The following TSPEAR variants were observed in gnomAD, a reference collection of about 807,000 sequenced individuals.
TSPEAR encodes the protein thrombospondin type laminin G domain and EAR repeats.
TSPEAR carries 69 observed loss-of-function variants against 71.6 expected under a neutral mutation model. The observed-to-expected ratio is 0.96, with a 90% CI of 0.79 to 1.18. The LOEUF (loss-of-function observed/expected upper bound fraction) is 1.18. TSPEAR is among the 50% of genes most tolerant of loss of function. The pLI is 0.00. For missense variants in TSPEAR, 971 were observed against 894.9 expected (o/e 1.09, Z -1.09); for synonymous variants, 402 against 387.2 (o/e 1.04, Z -0.45).
At chr21:44,704,645 C>T (rs2146334943) in intron 1 of TSPEAR, among the ~76,000 whole-genome samples, 1 of 152,282 alleles carries the variant, frequency 6.6e-6, no homozygotes, top group Non-Finnish European at 1.5e-5. Flanking sequence ...ACAAGAGGAG[C>T]AGAGGTCTCT....
At chr21:44,579,851 G>C (rs1555924644) in intron 1 of TSPEAR, 1 of 1,595,934 alleles carries the variant, frequency 6.3e-7, no homozygotes, top group Middle Eastern at 1.7e-4. Context: ...GGAGGAGGCA[G>C]GGGCACAGCA....
intron 1 of TSPEAR, chr21:44,677,058 C>T (rs1240465796): frequency 1.3e-6 from 1 of 754,270 alleles, no homozygotes; most frequent in East Asian, 2.6e-5. Flanking sequence ...CTTGGCCCAC[C>T]AGCTCATGAT....
intron 1 of TSPEAR, among the ~76,000 whole-genome samples, chr21:44,688,683 T>G (rs1354243585): frequency 3.3e-5 from 5 of 151,870 alleles, no homozygotes; most frequent in Non-Finnish European, 1.5e-5. Context: ...GACTCCAGCC[T>G]GGGCAACAGA....
At position 44,647,213 on chromosome 21, in the gene TSPEAR, C is replaced by T. The variant is rs1161193417; in HGVS notation, c.82+64220G>A. 1.2e-6 allele frequency: 2 copies of T among 1,613,200 alleles called. No individual in the cohort carries two copies. Among genetic ancestry groups the T allele is most frequent in the Middle Eastern group, 1.6e-4 (1 of 6,082 alleles). On this transcript the variant is annotated intron_variant, in intron 1 of 11. Coordinates refer to ENST00000323084, the MANE Select transcript of TSPEAR (RefSeq NM_144991.3). ...GTGTGCAGGTCCACCTGCTGTGTGC[C>T]CGTCTCCTCCTGCTGTGCCCCCACC...
At chr21:44,592,576 G>A (rs1237180820) in intron 1 of TSPEAR, 50 of 1,521,566 alleles carry the variant, frequency 3.3e-5, no homozygotes, top group Non-Finnish European at 4.2e-5. Context: ...TTGTCCCCGG[G>A]CCCACAGCTT....
chr21:44,563,870 G>A lies in TSPEAR; in HGVS notation c.303+3915C>T, dbSNP rs74548079. ...TCATTAACATTGAACTCAGCCAACA[G>A]TACTACAACTTATGCCTTAACAAAG... On this transcript the variant is annotated intron_variant, in intron 2 of 11. Transcript: ENST00000323084. Among the ~76,000 whole-genome samples, 103 of 152,280 alleles carry A rather than the reference G, an allele frequency of 6.8e-4. No homozygotes were observed. In the East Asian group the frequency reaches 9.2e-3, roughly 14 times the overall value.
At position 44,631,147 on chromosome 21, in the gene TSPEAR, C is replaced by A. The variant is rs115051699; in HGVS notation, c.83-63142G>T. On this transcript the variant is annotated intron_variant, in intron 1 of 11. Coordinates refer to ENST00000323084, the MANE Select transcript of TSPEAR (RefSeq NM_144991.3). ...CAGGATTGAATTTACTCGACAAAGT[C>A]TTTCCATTAACTCTTTTAAATATAC... 7.3e-3 allele frequency among the ~76,000 whole-genome samples: 1,108 copies of A among 151,582 alleles called. 13 individuals carry two copies. The highest frequency in any genetic ancestry group is 0.024 in the Middle Eastern group (7 of 286).
intron 3 of TSPEAR, among the ~76,000 whole-genome samples, chr21:44,533,016 C>T (rs1489966650): frequency 2.0e-5 from 3 of 152,204 alleles, no homozygotes; most frequent in Non-Finnish European, 2.9e-5. Flanking sequence ...GTGATGTTAG[C>T]GCCCTCCCCA....
chr21:44,548,347 G>T (rs1422413995), intron 2 of TSPEAR, among the ~76,000 whole-genome samples: 1 of 152,222 alleles, frequency 6.6e-6, no homozygotes, highest in Non-Finnish European at 1.5e-5. Flanking sequence ...CTATTGGGTT[G>T]TGCTGCTTTT....
chr21:44,643,612 G>A (rs1984139446), intron 1 of TSPEAR, among the ~76,000 whole-genome samples: 1 of 152,156 alleles, frequency 6.6e-6, no homozygotes, highest in South Asian at 2.1e-4. Flanking sequence ...GTATATCTTA[G>A]ATCACTCAAG....
chr21:44,702,234 C>T, intron 1 of TSPEAR: 3 of 1,600,748 alleles, frequency 1.9e-6, no homozygotes, highest in Non-Finnish European at 2.5e-6. Context: ...CCAGTGCTTC[C>T]ACCAACTCCT....
rs1205312181 is a variant in TSPEAR, at chr21:44,695,958, G to C, written c.82+15475C>G. Among the ~76,000 whole-genome samples the C allele has an allele frequency of 6.6e-6, 1 of 152,166 alleles. No homozygotes were observed. The highest frequency in any genetic ancestry group is 1.5e-5 in the Non-Finnish European group (1 of 68,028). On this transcript the variant is annotated intron_variant, in intron 1 of 11. Coordinates refer to ENST00000323084, the MANE Select transcript of TSPEAR (RefSeq NM_144991.3). This position sits in a 1 kb window ranked among gnomAD's most constrained non-coding sequence, Gnocchi z 4.5. ...TCTCCCTTAATCTCAGGATCCTCCA[G>C]GCTAGATGAGCCCTGGGGCTCTAGA...
At chr21:44,649,350 A>T (rs1984635458) in intron 1 of TSPEAR, among the ~76,000 whole-genome samples, 1 of 152,158 alleles carries the variant, frequency 6.6e-6, no homozygotes, top group African/African-American at 2.4e-5. Context: ...TCACATGCTC[A>T]TCAATACAGG....
intron 6 of TSPEAR, among the ~76,000 whole-genome samples, chr21:44,528,092 G>T (rs8127898): frequency 0.037 from 5,646 of 152,238 alleles, 367 homozygotes; most frequent in African/African-American, 0.13. Flanking sequence ...TTGGGAAGGG[G>T]TACCACGCGA....
At position 44,528,564 on chromosome 21, in the gene TSPEAR, C is replaced by T. The variant is rs587763955; in HGVS notation, c.810G>A (p.Thr270=). 22 of 1,614,020 alleles carry T rather than the reference C, an allele frequency of 1.4e-5. No homozygotes were observed. In the South Asian group the frequency reaches 1.4e-4, roughly 10 times the overall value. ...CGGTACACGGTGGCTGGGGTCCCAG[C>T]GTCACTCGAATGTTGGTTTCTGAGG... ...KYPYETNIRV[T]LGPQPPCTEV... is the part of the protein sequence containing the mutation. The change falls in exon 6 of 12, where the codon ACG becomes ACA. Residue 270 remains threonine (T), a synonymous_variant. Coordinates refer to ENST00000323084, the MANE Select transcript of TSPEAR (RefSeq NM_144991.3).
chr21:44,521,862 G>C lies in TSPEAR; in HGVS notation c.1566+21C>G, dbSNP rs1465257915. 3 of 1,606,424 alleles carry C rather than the reference G, an allele frequency of 1.9e-6. No individual in the cohort carries two copies. In the East Asian group the frequency reaches 6.7e-5, roughly 36 times the overall value. On this transcript the variant is annotated intron_variant, in intron 9 of 11. Transcript: ENST00000323084. ...GCAGTGGCCAGCAATGGAGAGCCGG[G>C]GCTCATGCGGGGGGCCTTACCGGGA...
chr21:44,624,717 G>T (rs1190466596), intron 1 of TSPEAR, among the ~76,000 whole-genome samples: 3 of 152,126 alleles, frequency 2.0e-5, no homozygotes, highest in African/African-American at 7.2e-5. Flanking sequence ...CTCCTTGTCA[G>T]GTCCTGAACT....
intron 1 of TSPEAR, chr21:44,574,617 G>T: frequency 7.7e-7 from 1 of 1,292,196 alleles, no homozygotes; most frequent in Non-Finnish European, 1.0e-6. Flanking sequence ...TGTCTGCTCT[G>T]TGCCCATCTG....
intron 1 of TSPEAR, among the ~76,000 whole-genome samples, chr21:44,649,991 G>A (rs587706496): frequency 6.6e-6 from 1 of 152,290 alleles, no homozygotes; most frequent in African/African-American, 2.4e-5. Context: ...GGAGGCCGAG[G>A]AGGGAGGACC....
Sources: gnomAD v4.1 joint callset for allele counts (sites outside exome capture counted in the v4.1 genomes callset) on GRCh38, gnomAD v4.1.1 for gene constraint, Gnocchi (gnomAD v3.1) non-coding constraint, MANE v1.5 for transcripts, NCBI Gene and HGNC (gene_info 2026-07-23, HGNC 2026-07-21) for gene names.